Variants in STXBP5 observed in about 807,000 individuals in gnomAD.
STXBP5 encodes syntaxin-binding protein 5.
A neutral mutation model predicts 152.4 loss-of-function variants in STXBP5; 50 were observed. The observed-to-expected ratio is 0.33, with a 90% CI of 0.26 to 0.42. STXBP5 has a LOEUF of 0.42. Among genes scored for constraint, STXBP5 ranks in the 10% least tolerant of loss-of-function variants. The pLI, the probability that STXBP5 is intolerant of heterozygous loss-of-function variation, is 1.00. For missense variants in STXBP5, 1,167 were observed against 1,388.6 expected (o/e 0.84, Z 2.54); for synonymous variants, 492 against 494.7 (o/e 0.99, Z 0.07).
chr6:147,290,976 A>G (rs1227255056), intron 8 of STXBP5, 118 bp from the exon 9 acceptor site: 1 of 676,648 alleles, frequency 1.5e-6, no homozygotes, highest in Non-Finnish European at 2.3e-6. Context: ...TTTCAGAATC[A>G]CTTTAAAATG....
chr6:147,297,086 G>A (rs1227682100), intron 9 of STXBP5, among the ~76,000 whole-genome samples: 3 of 152,116 alleles, frequency 2.0e-5, no homozygotes, highest in African/African-American at 7.2e-5. Context: ...CAAGTTGGGA[G>A]AGATATGTAT....
At chr6:147,359,945 T>G (rs1162031935) in intron 23 of STXBP5, among the ~76,000 whole-genome samples, 1 of 151,856 alleles carries the variant, frequency 6.6e-6, no homozygotes, top group Non-Finnish European at 1.5e-5. Flanking sequence ...CAAACAAATT[T>G]ACAAGAAAAA....
At chr6:147,364,238 C>G in intron 25 of STXBP5, 72 bp downstream of exon 25, 1 of 1,352,620 alleles carries the variant, frequency 7.4e-7, no homozygotes, top group Non-Finnish European at 1.0e-6. Context: ...TACTGTCTGC[C>G]CCTTATTCTC....
intron 11 of STXBP5, among the ~76,000 whole-genome samples, chr6:147,313,534 C>T (rs186604980): frequency 1.3e-5 from 2 of 152,208 alleles, no homozygotes; most frequent in East Asian, 3.9e-4. Flanking sequence ...GTTATTCCAC[C>T]ATTTGCTAGC....
At chr6:147,360,097 A>C (rs908370439) in intron 23 of STXBP5, among the ~76,000 whole-genome samples, 10 of 152,218 alleles carry the variant, frequency 6.6e-5, no homozygotes, top group African/African-American at 2.4e-4. Flanking sequence ...CCACAATGAG[A>C]TATCATCTCA....
chr6:147,317,155 A>G (rs916387069), intron 16 of STXBP5, among the ~76,000 whole-genome samples: 7 of 152,182 alleles, frequency 4.6e-5, no homozygotes, highest in Non-Finnish European at 7.4e-5. Context: ...ACTAGGTTCA[A>G]GGTAGAGAGG....
At chr6:147,207,190 A>C (rs980802508) in intron 2 of STXBP5, among the ~76,000 whole-genome samples, 1 of 152,184 alleles carries the variant, frequency 6.6e-6, no homozygotes, top group African/African-American at 2.4e-5. Flanking sequence ...TCATTATTTC[A>C]AAGAAGTACT....
At chr6:147,363,765 A>C in intron 24 of STXBP5, 61 bp downstream of exon 24, 1 of 1,527,678 alleles carries the variant, frequency 6.5e-7, no homozygotes, top group Non-Finnish European at 8.7e-7. Flanking sequence ...ACTATACTAC[A>C]GAATTGTTTA....
chr6:147,236,603 A>G (rs1448711318), intron 3 of STXBP5, among the ~76,000 whole-genome samples: 2 of 139,638 alleles, frequency 1.4e-5, no homozygotes, highest in Non-Finnish European at 3.1e-5. Context: ...TTGTGTGTGC[A>G]TGTAGTTCAG....
At chr6:147,377,587 T>TG (rs917319521) in intron 26 of STXBP5, among the ~76,000 whole-genome samples, 33 of 152,144 alleles carry the variant, frequency 2.2e-4, no homozygotes, top group Admixed American at 4.6e-4. Flanking sequence ...AGGATTGAGT[T>TG]GTTTGGGGGC....
chr6:147,236,975 A>G (rs1031767472), intron 3 of STXBP5, among the ~76,000 whole-genome samples: 1 of 151,878 alleles, frequency 6.6e-6, no homozygotes, highest in South Asian at 2.1e-4. Context: ...ACAGGGTTTC[A>G]CTGTGTTGGC....
At chr6:147,213,432 ATATGTGTGTGTGTGTGTGTGTGTG>A (rs1242064353) in intron 2 of STXBP5, among the ~76,000 whole-genome samples, 2 of 121,006 alleles carry the variant, frequency 1.7e-5, no homozygotes, top group African/African-American at 7.2e-5. Context: ...ATAATTTTAT[ATATGTGTGTGTGTGTGTGTGTGTG>A]TGTGTGTGTG....
In STXBP5 at chr6:147,260,966, C is replaced by T. The variant is rs9497734; in HGVS notation, c.566+217C>T. ...TGTATATAGAGATATATGCACATTA[C>T]ATATGTATATATTTACATTTGTGTA... is the stretch of plus-strand genomic sequence containing the variant. On this transcript the variant is annotated intron_variant, in intron 5 of 27. Transcript: ENST00000321680. 6.9e-3 allele frequency among the ~76,000 whole-genome samples: 1,045 copies of T among 152,110 alleles called. 14 individuals carry two copies. The highest frequency in any genetic ancestry group is 0.023 in the African/African-American group (957 of 41,534).
At position 147,262,318 on chromosome 6, in the gene STXBP5, G is replaced by C. The variant is rs754792682; in HGVS notation, c.595G>C (p.Val199Leu). The C allele has an allele frequency of 2.6e-6, 4 of 1,553,806 alleles. No homozygotes were observed. ...LSSKSHPGPVVHISDNPMDEG... is the reference protein window; with the variant it reads ...LSSKSHPGPVLHISDNPMDEG... ...ATCTAAATCTCACCCAGGACCTGTG[G>C]TCCATATAAGTGATAATCCAATGGA... Residue 199 changes from valine (V) to leucine (L), a missense_variant, in exon 6 of 28, where the codon GTC becomes CTC. This residue lies in a region of STXBP5 where 310 missense variants were observed against 346.1 expected (regional missense o/e 0.90). Transcript: ENST00000321680.
chr6:147,323,589 G>T (rs563990960), intron 16 of STXBP5, among the ~76,000 whole-genome samples: 1 of 151,848 alleles, frequency 6.6e-6, no homozygotes, highest in South Asian at 2.1e-4. Flanking sequence ...ACGGGGTTTC[G>T]CCATGTTGGC....
rs1786402607 is a variant in STXBP5 at position 147,387,616 on chromosome 6, A to G, written c.*2861A>G. 1.3e-5 allele frequency: 2 copies of G among 151,784 alleles called. No homozygotes were observed. Among genetic ancestry groups the G allele is most frequent in the African/African-American group, 4.8e-5 (2 of 41,406 alleles). The allele number at this position is 151,784 out of a possible 1,614,324, so 9.4% of individuals were successfully genotyped here. ...CATCATCTTAACACTTTTGCTTTGC[A>G]TTTCAATTGTACAAAGTGTTTCCAA... is the stretch of plus-strand genomic sequence containing the variant. On this transcript the variant is annotated 3_prime_UTR_variant, in exon 28 of 28. Transcript: ENST00000321680.
intron 3 of STXBP5, 32 bp downstream of exon 3, chr6:147,235,363 T>C (rs568329616): frequency 6.4e-6 from 10 of 1,570,270 alleles, no homozygotes; most frequent in African/African-American, 4.1e-5. Flanking sequence ...TTTCTACTTA[T>C]ATCCAAAATA....
Position 147,310,213 on chromosome 6 carries a change from G to T in STXBP5, c.1047G>T (p.Thr349=). The stretch of plus-strand genomic sequence containing the variant: ...ACTATTCAATTGTTGATTTTCTAAC[G>T]CTGTGTGAAACACCATACCCAAATG... ...EMDYSIVDFL[T]LCETPYPNDF... The change falls in exon 10 of 28, where the codon ACG becomes ACT. Residue 349 remains threonine, a synonymous_variant. Transcript: ENST00000321680. 6.3e-7 allele frequency: 1 copy of T among 1,590,120 alleles called. No individual in the cohort carries two copies. Among genetic ancestry groups the T allele is most frequent in the South Asian group, 1.2e-5 (1 of 86,428 alleles).
chr6:147,229,988 A>G (rs59436766), intron 2 of STXBP5, among the ~76,000 whole-genome samples: 3,727 of 151,880 alleles, frequency 0.025, 111 homozygotes, highest in African/African-American at 0.082. Flanking sequence ...GTTAGCTGTG[A>G]GTTTTTCATA....
Sources: allele counts gnomAD v4.1 joint callset (sites outside exome capture counted in the v4.1 genomes callset), GRCh38; gene constraint gnomAD v4.1.1; regional missense constraint gnomAD v4.1.1; transcripts MANE v1.5; gene names NCBI Gene and HGNC (gene_info 2026-07-23, HGNC 2026-07-21).